The following RFX3 variants were observed in gnomAD, a reference collection of about 807,000 sequenced individuals.
The protein encoded by RFX3 is transcription factor RFX3.
In RFX3, 14 loss-of-function variants were observed where a neutral mutation model predicts 98.6. The ratio of observed to expected loss-of-function variants is 0.14; its 90% CI spans 0.09 to 0.22. The LOEUF is 0.22. Ranked by LOEUF, RFX3 falls within the 10% of genes least tolerant of loss-of-function variation. The pLI is 1.00. For synonymous variants in RFX3, 383 were observed against 328.4 expected, an observed-to-expected ratio of 1.17 and a Z score of -1.80; for missense variants, 639 against 926.9, an observed-to-expected ratio of 0.69 and a Z score of 4.03.
intron 2 of RFX3, among the ~76,000 whole-genome samples, chr9:3,381,572 G>C (rs1172367081): frequency 3.9e-5 from 6 of 151,910 alleles, no homozygotes; most frequent in African/African-American, 1.5e-4. Context: ...TTCACAAATG[G>C]GACAATGCTT....
At chr9:3,270,674 C>T (rs943639643) in intron 10 of RFX3, 149 bp from the exon 11 acceptor site, 8 of 769,202 alleles carry the variant, frequency 1.0e-5, no homozygotes, top group Non-Finnish European at 1.6e-5. Flanking sequence ...CTATATATAC[C>T]GAGAGAGACA....
rs532904115 is a variant in RFX3 at position 3,251,879 on chromosome 9, G to A, written c.1815-3694C>T. Among the ~76,000 whole-genome samples the A allele has an allele frequency of 5.0e-3, 756 of 151,198 alleles. 4 individuals carry two copies. Among genetic ancestry groups the A allele is most frequent in the Middle Eastern group, 0.01 (3 of 288 alleles). On this transcript the variant is annotated intron_variant, in intron 14 of 16. Transcript: ENST00000617270. ...TTTTTTGTTTTTGAGATGGAGTCTC[G>A]CTCTTGTTGCCCAGGCTGGAGTGCA...
At chr9:3,437,539 A>G (rs1254083312) in intron 1 of RFX3, among the ~76,000 whole-genome samples, 1 of 152,110 alleles carries the variant, frequency 6.6e-6, no homozygotes, top group Non-Finnish European at 1.5e-5. Flanking sequence ...TCCTCGTAGA[A>G]GAAGGCAACT....
At chr9:3,343,803 T>C (rs1046386207) in intron 3 of RFX3, among the ~76,000 whole-genome samples, 3 of 152,172 alleles carry the variant, frequency 2.0e-5, no homozygotes, top group Non-Finnish European at 2.9e-5. Context: ...TTGGCTAGAG[T>C]TGAGGATACA....
At chr9:3,381,838 C>T (rs1227959265) in intron 2 of RFX3, among the ~76,000 whole-genome samples, 2 of 151,986 alleles carry the variant, frequency 1.3e-5, no homozygotes, top group African/African-American at 2.4e-5. Flanking sequence ...GTTAGCTAAG[C>T]GGATTTACAA....
At chr9:3,464,869 G>C (rs1387390086) in intron 1 of RFX3, among the ~76,000 whole-genome samples, 1 of 151,670 alleles carries the variant, frequency 6.6e-6, no homozygotes, top group African/African-American at 2.4e-5. Context: ...CCAAGAAACA[G>C]TTCCAATTTG....
chr9:3,398,054 G>A (rs930654398), intron 1 of RFX3, among the ~76,000 whole-genome samples: 13 of 152,210 alleles, frequency 8.5e-5, no homozygotes, highest in Admixed American at 1.3e-4. Context: ...TCCATTTTCC[G>A]AAAGAAACTG....
chr9:3,446,366 T>C (rs969483988), intron 1 of RFX3, among the ~76,000 whole-genome samples: 2 of 152,094 alleles, frequency 1.3e-5, no homozygotes, highest in Non-Finnish European at 2.9e-5. Context: ...ATTAAAATAG[T>C]TTATTTAATC....
At chr9:3,390,647 C>G (rs1341308452) in intron 2 of RFX3, among the ~76,000 whole-genome samples, 2 of 152,136 alleles carry the variant, frequency 1.3e-5, no homozygotes, top group Admixed American at 1.3e-4. Flanking sequence ...CTGTGCTGGT[C>G]TCGTGATAGT....
At chr9:3,513,144 C>T (rs1817806868) in intron 1 of RFX3, among the ~76,000 whole-genome samples, 1 of 152,058 alleles carries the variant, frequency 6.6e-6, no homozygotes, top group Non-Finnish European at 1.5e-5. Context: ...TTTAATTCCT[C>T]ATTCAAAATT....
At chr9:3,441,189 G>A (rs1845578387) in intron 1 of RFX3, among the ~76,000 whole-genome samples, 1 of 152,136 alleles carries the variant, frequency 6.6e-6, no homozygotes, top group African/African-American at 2.4e-5. Context: ...TTGTTGGATA[G>A]AGACATTAAT....
In RFX3 at chr9:3,263,067, G is replaced by A. The variant is rs762386448; in HGVS notation, c.1473C>T (p.Ala491=). Reference sequence around the variant, plus strand: ...TGTATCTTCGCAGAGTCTGGGCAAAGGCACTTACAGCGGCAACCTGTAACG... The same window carrying A: ...TGTATCTTCGCAGAGTCTGGGCAAAAGCACTTACAGCGGCAACCTGTAACG... ...MIQTKVAAVS[A]FAQTLRRYTS... is the part of the protein sequence containing the mutation. Residue 491 remains alanine (A), a synonymous_variant, in exon 13 of 17, where the codon GCC becomes GCT. Transcript: ENST00000617270. 6.2e-7 allele frequency: 1 copy of A among 1,613,682 alleles called. No homozygotes were observed. Among genetic ancestry groups the A allele is most frequent in the Non-Finnish European group, 8.5e-7 (1 of 1,179,690 alleles).
In RFX3 at chr9:3,458,264, T is replaced by C. The variant is rs116262178; in HGVS notation, c.-8-62668A>G. 1.4e-3 allele frequency among the ~76,000 whole-genome samples: 218 copies of C among 152,320 alleles called. 1 individual carries two copies. The highest frequency in any genetic ancestry group is 5.0e-3 in the African/African-American group (206 of 41,578). On this transcript the variant is annotated intron_variant, in intron 1 of 16. Coordinates refer to ENST00000617270, the MANE Select transcript of RFX3 (RefSeq NM_001282116.2). ...AGAATAAATAAAATGAAGCAAGTGC[T>C]GTCTACAGAATACTATGCAGCAGTT...
intron 13 of RFX3, among the ~76,000 whole-genome samples, chr9:3,258,427 A>G (rs1169994982): frequency 6.6e-6 from 1 of 152,120 alleles, no homozygotes; most frequent in Non-Finnish European, 1.5e-5. Context: ...TCCTGATCCT[A>G]CAGACTTTAC....
At chr9:3,229,263 C>T (rs1818170529) in intron 15 of RFX3, among the ~76,000 whole-genome samples, 1 of 152,212 alleles carries the variant, frequency 6.6e-6, no homozygotes, top group South Asian at 2.1e-4. Context: ...ACATCAGCTC[C>T]ACCCCCTATA....
chr9:3,232,026 T>C (rs1818526521), intron 15 of RFX3, among the ~76,000 whole-genome samples: 2 of 145,290 alleles, frequency 1.4e-5, no homozygotes, highest in South Asian at 4.6e-4. Flanking sequence ...GGAGCGAAAC[T>C]CTGTCTCAAA....
intron 14 of RFX3, among the ~76,000 whole-genome samples, chr9:3,251,474 T>C (rs910083533): frequency 6.6e-6 from 1 of 151,996 alleles, no homozygotes; most frequent in African/African-American, 2.4e-5. Flanking sequence ...TCACCTCCCA[T>C]AGGCACTTGC....
chr9:3,450,584 T>TA (rs1301990074), intron 1 of RFX3, among the ~76,000 whole-genome samples: 1 of 152,186 alleles, frequency 6.6e-6, no homozygotes, highest in Non-Finnish European at 1.5e-5. Context: ...TACATGTCTT[T>TA]TATAGACTAC....
At chr9:3,482,254 T>A (rs150155469) in intron 1 of RFX3, among the ~76,000 whole-genome samples, 1 of 151,928 alleles carries the variant, frequency 6.6e-6, no homozygotes, top group East Asian at 1.9e-4. Context: ...TATGACCCAA[T>A]TTTCATAATA....
Sources: gnomAD v4.1 joint callset for allele counts (sites outside exome capture counted in the v4.1 genomes callset) on GRCh38, gnomAD v4.1.1 for gene constraint, MANE v1.5 for transcripts, NCBI Gene and HGNC (gene_info 2026-07-23, HGNC 2026-07-21) for gene names.